AAMDC: variants seen among roughly 807,000 people sequenced by gnomAD.
The protein encoded by AAMDC is mth938 domain-containing protein.
In AAMDC, 16 loss-of-function variants were observed where a neutral mutation model predicts 15.5. The observed-to-expected ratio is 1.03, with a 90% CI of 0.70 to 1.57. The LOEUF is 1.57. AAMDC is among the 40% of genes most tolerant of loss of function. AAMDC has a pLI of 0.00. For missense variants in AAMDC, 141 were observed against 144.9 expected (o/e 0.97, Z 0.14); for synonymous variants, 51 against 51.6 (o/e 0.99, Z 0.05).
Position 77,835,122 on chromosome 11 carries a change from C to G in AAMDC, c.-18-7357C>G, listed in dbSNP as rs531457987. Among the ~76,000 whole-genome samples, 7 of 152,292 alleles carry G rather than the reference C, an allele frequency of 4.6e-5. No homozygotes were observed. In the South Asian group the frequency reaches 6.2e-4, roughly 14 times the overall value. On this transcript the variant is annotated intron_variant, in intron 1 of 3. Coordinates refer to ENST00000393427, the MANE Select transcript of AAMDC (RefSeq NM_024684.4). ...TGCCTCTTAGAACAGATAGATCTAG[C>G]ATTGTTTGCAATTGAGTGTGACCAC...
intron 5 of AAMDC, among the ~76,000 whole-genome samples, chr11:77,898,495 A>G (rs1240458602): frequency 6.6e-6 from 1 of 152,182 alleles, no homozygotes; most frequent in East Asian, 1.9e-4. Context: ...GTAAGAGACA[A>G]ACAAAAGCAT....
At position 77,872,285 on chromosome 11, in the gene AAMDC, G is replaced by C. The variant is rs769224687; in HGVS notation, c.339G>C (p.Arg113Ser). 1.2e-6 allele frequency: 2 copies of C among 1,613,264 alleles called. No homozygotes were observed. The highest frequency in any genetic ancestry group is 3.3e-5 in the Admixed American group (2 of 59,844). Residue 113 changes from arginine (R) to serine (S), a missense_variant, in exon 4 of 4, where the codon AGG becomes AGC. Arg to Ser is a moderately radical substitution (Grantham distance 110, BLOSUM62 -1). Transcript: ENST00000393427. ...EYNALVAQGVRVGGVFHSTC is the reference protein window; with the variant it reads ...EYNALVAQGVSVGGVFHSTC ...ATGCCTTGGTTGCCCAAGGGGTCAG[G>C]GTGGGAGGTGTCTTCCATTCCACCT...
intron 5 of AAMDC, among the ~76,000 whole-genome samples, chr11:77,892,502 G>A (rs773651693): frequency 3.3e-5 from 5 of 152,176 alleles, no homozygotes; most frequent in African/African-American, 4.8e-5. Flanking sequence ...CAACCCAACT[G>A]TGCAAAAACA....
At chr11:77,893,891 T>TAAATAAA (rs1223751680) in intron 5 of AAMDC, among the ~76,000 whole-genome samples, 2 of 137,868 alleles carry the variant, frequency 1.5e-5, no homozygotes, top group Non-Finnish European at 3.1e-5. Context: ...AGACTCTGTC[T>TAAATAAA]TAAATAAATA....
chr11:77,828,630 C>G (rs1200685498), intron 1 of AAMDC, among the ~76,000 whole-genome samples: 1 of 147,868 alleles, frequency 6.8e-6, no homozygotes, highest in African/African-American at 2.5e-5. Flanking sequence ...AAGATCGCAC[C>G]ACTGCACTGC....
chr11:77,831,381 A>T (rs960565677), intron 1 of AAMDC, among the ~76,000 whole-genome samples: 8 of 152,284 alleles, frequency 5.3e-5, no homozygotes, highest in South Asian at 2.1e-4. Flanking sequence ...CCATGAAAAA[A>T]TTTTTACATA....
chr11:77,841,733 C>G (rs1024776014), intron 1 of AAMDC, among the ~76,000 whole-genome samples: 6 of 152,164 alleles, frequency 3.9e-5, no homozygotes, highest in African/African-American at 1.4e-4. Context: ...GCTTATAAAG[C>G]CCCCTGTGGC....
chr11:77,899,210 A>T (rs1373350113), intron 5 of AAMDC, among the ~76,000 whole-genome samples: 2 of 152,122 alleles, frequency 1.3e-5, no homozygotes, highest in African/African-American at 4.8e-5. Context: ...TCAAGATGTG[A>T]ACCCAAGCAA....
intron 5 of AAMDC, chr11:77,878,664 T>C (rs1951674804): frequency 3.0e-6 from 2 of 658,844 alleles, no homozygotes; most frequent in South Asian, 1.7e-5. Context: ...GCACGTAGTA[T>C]AAAAGCTGAA....
chr11:77,842,890 C>T (rs1402946417), intron 2 of AAMDC, among the ~76,000 whole-genome samples: 3 of 152,180 alleles, frequency 2.0e-5, no homozygotes, highest in Non-Finnish European at 2.9e-5. Context: ...TTTATCACCT[C>T]AGAAAGGAAC....
chr11:77,881,517 A>G lies in AAMDC; in HGVS notation c.328+4468A>G, dbSNP rs187057209. 4.6e-5 allele frequency among the ~76,000 whole-genome samples: 7 copies of G among 152,376 alleles called. No individual in the cohort carries two copies. In the East Asian group the frequency reaches 1.3e-3, roughly 29 times the overall value. ...TGGGAAGGGTGACTGCAGCTTTAGC[A>G]CTGTCACTGATCAGGTATGTGGGCC... On this transcript the variant is annotated intron_variant, in intron 5 of 5. Transcript: ENST00000304716.
At chr11:77,864,721 G>A (rs1426635477) in intron 2 of AAMDC, among the ~76,000 whole-genome samples, 2 of 152,206 alleles carry the variant, frequency 1.3e-5, no homozygotes, top group Non-Finnish European at 2.9e-5. Context: ...GCTCACACCT[G>A]TAATCTCAAC....
intron 2 of AAMDC, among the ~76,000 whole-genome samples, chr11:77,855,150 C>T (rs893002393): frequency 3.3e-5 from 5 of 152,150 alleles, no homozygotes; most frequent in Non-Finnish European, 5.9e-5. Context: ...CCCACAAAAC[C>T]ATTATTTCCT....
chr11:77,897,983 A>G (rs1384810490), intron 5 of AAMDC, among the ~76,000 whole-genome samples: 1 of 151,174 alleles, frequency 6.6e-6, no homozygotes, highest in Non-Finnish European at 1.5e-5. Flanking sequence ...CTAATTTTTG[A>G]TTTTTATTTT....
intron 2 of AAMDC, chr11:77,868,997 C>A: frequency 3.1e-6 from 1 of 322,596 alleles, no homozygotes; most frequent in Admixed American, 3.5e-5. Flanking sequence ...TGGGTAATAC[C>A]GTAGACTCTT....
intron 1 of AAMDC, among the ~76,000 whole-genome samples, chr11:77,839,040 C>G (rs1949816528): frequency 6.6e-6 from 1 of 152,228 alleles, no homozygotes; most frequent in South Asian, 2.1e-4. Context: ...TTGTTTATTT[C>G]TTTGTGCTTT....
downstream of AAMDC, among the ~76,000 whole-genome samples, chr11:77,901,867 CT>C (rs1198958898): frequency 6.6e-6 from 1 of 151,774 alleles, no homozygotes; most frequent in Non-Finnish European, 1.5e-5. Flanking sequence ...GCCCACTCTG[CT>C]GTGGGAACAA....
rs555384315 is a variant in AAMDC at position 77,866,931 on chromosome 11, C to T, written c.133-2791C>T. On this transcript the variant is annotated intron_variant, in intron 2 of 3. Coordinates refer to ENST00000393427, the MANE Select transcript of AAMDC (RefSeq NM_024684.4). ...TCTCAGCTCACTGCAACCTCCACTTCCTGGGTTCAAGTGATTCTCCTGCCT... is the reference window on the plus strand; with the variant it reads ...TCTCAGCTCACTGCAACCTCCACTTTCTGGGTTCAAGTGATTCTCCTGCCT... 1.8e-4 allele frequency among the ~76,000 whole-genome samples: 27 copies of T among 152,180 alleles called. No homozygotes were observed. The East Asian group carries it at 5.2e-3, about 29-fold the overall frequency.
At chr11:77,869,590 G>T in intron 2 of AAMDC, 132 bp from the exon 3 acceptor site, 1 of 836,294 alleles carries the variant, frequency 1.2e-6, no homozygotes, top group Non-Finnish European at 1.9e-6. Context: ...GTGCCTTAAA[G>T]AGCCTATGAG....
Sources: allele counts gnomAD v4.1 joint callset (sites outside exome capture counted in the v4.1 genomes callset), GRCh38; gene constraint gnomAD v4.1.1; transcripts MANE v1.5; gene names NCBI Gene and HGNC (gene_info 2026-07-23, HGNC 2026-07-21).